The following LOC400499 variants were observed in gnomAD, a reference collection of about 807,000 sequenced individuals.
the LOC400499 span, among the ~76,000 whole-genome samples, chr16:11,478,886 G>T: frequency 1.3e-5 from 2 of 152,180 alleles, no homozygotes; most frequent in Non-Finnish European, 2.9e-5. Context: ...GGGCTCAGGA[G>T]ATTCTATGGT....
the LOC400499 span, among the ~76,000 whole-genome samples, chr16:11,407,970 G>GTTT: frequency 1.2e-3 from 78 of 63,456 alleles, 7 homozygotes; most frequent in African/African-American, 3.0e-3. Flanking sequence ...TTCCAGAGCT[G>GTTT]TTTTTTTTTT....
chr16:11,474,830 A>G, the LOC400499 span, among the ~76,000 whole-genome samples: 33,155 of 152,108 alleles, frequency 0.22, 3,759 homozygotes, highest in African/African-American at 0.27. Context: ...TGATTGCACC[A>G]TTGCACTCCG....
At chr16:11,413,650 T>C in the LOC400499 span, among the ~76,000 whole-genome samples, 1 of 152,166 alleles carries the variant, frequency 6.6e-6, no homozygotes, top group Non-Finnish European at 1.5e-5. Context: ...CTTGGGCAAG[T>C]CACCCACACT....
the LOC400499 span, among the ~76,000 whole-genome samples, chr16:11,433,505 T>A: frequency 6.6e-6 from 1 of 152,242 alleles, no homozygotes; most frequent in Admixed American, 6.5e-5. Context: ...ATATTTGGTC[T>A]CTGTCCCTAA....
At chr16:11,485,363 T>C in the LOC400499 span, among the ~76,000 whole-genome samples, 6 of 152,160 alleles carry the variant, frequency 3.9e-5, no homozygotes, top group Admixed American at 2.6e-4. Context: ...TGTCACTCTC[T>C]TCCCACCTCC....
chr16:11,495,228 G>GAAAAC, the LOC400499 span, among the ~76,000 whole-genome samples: 24 of 143,280 alleles, frequency 1.7e-4, no homozygotes, highest in South Asian at 4.5e-4. Flanking sequence ...AAAAAAAAAA[G>GAAAAC]AAAACAAAAC....
chr16:11,412,019 T>C, the LOC400499 span, among the ~76,000 whole-genome samples: 2 of 152,024 alleles, frequency 1.3e-5, no homozygotes, highest in East Asian at 3.9e-4. Flanking sequence ...TGCGTCACCA[T>C]ACCAGGCTCA....
the LOC400499 span, chr16:11,491,654 G>GCCCCCCCCCAGC: frequency 1.1e-5 from 3 of 269,408 alleles, no homozygotes; most frequent in East Asian, 1.2e-4. Context: ...TGCCCTCCCA[G>GCCCCCCCCCAGC]CCCCACCCCT....
chr16:11,512,367 G>A, the LOC400499 span, among the ~76,000 whole-genome samples: 14 of 152,280 alleles, frequency 9.2e-5, no homozygotes, highest in South Asian at 1.7e-3. Flanking sequence ...GGGAGGCCGA[G>A]GCAGGCAGAT....
At chr16:11,472,137 C>T in the LOC400499 span, 2 of 245,328 alleles carry the variant, frequency 8.2e-6, no homozygotes, top group African/African-American at 2.2e-5. Flanking sequence ...CACATATTAC[C>T]AAATGTCTCC....
the LOC400499 span, among the ~76,000 whole-genome samples, chr16:11,430,352 T>A: frequency 6.6e-6 from 1 of 152,038 alleles, no homozygotes; most frequent in Non-Finnish European, 1.5e-5. Context: ...TAGCCAGGTG[T>A]GATGCTGTGT....
chr16:11,409,823 T>C, the LOC400499 span, among the ~76,000 whole-genome samples: 1 of 152,206 alleles, frequency 6.6e-6, no homozygotes, highest in East Asian at 1.9e-4. Context: ...AACGTCTCTA[T>C]ATTAATTCTT....
the LOC400499 span, among the ~76,000 whole-genome samples, chr16:11,483,033 G>A: frequency 1.3e-5 from 2 of 152,002 alleles, no homozygotes; most frequent in African/African-American, 2.4e-5. Flanking sequence ...CAAAGAAGAC[G>A]TACAATAGCA....
the LOC400499 span, among the ~76,000 whole-genome samples, chr16:11,404,193 A>T: frequency 6.6e-6 from 1 of 152,072 alleles, no homozygotes; most frequent in Non-Finnish European, 1.5e-5. Context: ...GCTTGCTCTC[A>T]CAGCCTTTCC....
the LOC400499 span, among the ~76,000 whole-genome samples, chr16:11,499,899 A>G: frequency 6.6e-6 from 1 of 152,176 alleles, no homozygotes; most frequent in African/African-American, 2.4e-5. Flanking sequence ...AGCAGCTGCA[A>G]TCCCTTGGGC....
chr16:11,388,635 G>A, the LOC400499 span, among the ~76,000 whole-genome samples: 1 of 152,112 alleles, frequency 6.6e-6, no homozygotes, highest in Non-Finnish European at 1.5e-5. Flanking sequence ...TCAACACAGG[G>A]GCCAAAAGGG....
the LOC400499 span, chr16:11,393,289 C>A: frequency 1.0e-6 from 1 of 1,002,278 alleles, no homozygotes; most frequent in East Asian, 3.3e-5. Context: ...CCCCTGCACC[C>A]AGCCCCGACT....
the LOC400499 span, among the ~76,000 whole-genome samples, chr16:11,410,989 G>A: frequency 1.3e-5 from 2 of 152,246 alleles, no homozygotes; most frequent in African/African-American, 4.8e-5. Context: ...GCCAGGCACT[G>A]GGTGAGGAGG....
the LOC400499 span, among the ~76,000 whole-genome samples, chr16:11,494,399 G>A: frequency 1.3e-5 from 2 of 151,332 alleles, no homozygotes; most frequent in Non-Finnish European, 3.0e-5. Context: ...CAGTGGCGTG[G>A]GGGGGCAGGC....
Sources: allele counts gnomAD v4.1 joint callset (sites outside exome capture counted in the v4.1 genomes callset), GRCh38; gene constraint gnomAD v4.1.1; transcripts MANE v1.5.